SLMAP: variants seen among roughly 807,000 people sequenced by gnomAD.
The protein encoded by SLMAP is sarcolemmal membrane-associated protein.
A neutral mutation model predicts 128.8 loss-of-function variants in SLMAP; 44 were observed. The ratio of observed to expected loss-of-function variants is 0.34; its 90% CI spans 0.27 to 0.44. SLMAP has a LOEUF of 0.44. Ranked by LOEUF, SLMAP falls within the 20% of genes least tolerant of loss-of-function variation. The pLI, the probability that SLMAP is intolerant of heterozygous loss-of-function variation, is 1.00. For missense variants in SLMAP, 787 were observed against 985.3 expected, an observed-to-expected ratio of 0.80 and a Z score of 2.69; for synonymous variants, 327 against 348.8, an observed-to-expected ratio of 0.94 and a Z score of 0.70.
chr3:57,791,024 T>C (rs181848761), intron 2 of SLMAP, among the ~76,000 whole-genome samples: 1 of 152,282 alleles, frequency 6.6e-6, no homozygotes, highest in African/African-American at 2.4e-5. Context: ...TGGCTTTTTA[T>C]GAGTTTTAGC....
At chr3:57,884,547 A>G (rs1353879833) in intron 14 of SLMAP, among the ~76,000 whole-genome samples, 1 of 152,186 alleles carries the variant, frequency 6.6e-6, no homozygotes, top group Non-Finnish European at 1.5e-5. Flanking sequence ...AAGTGTTTAA[A>G]TAACTTAAAT....
chr3:57,852,460 C>T (rs1351238068), intron 6 of SLMAP, among the ~76,000 whole-genome samples: 3 of 152,080 alleles, frequency 2.0e-5, no homozygotes, highest in African/African-American at 7.2e-5. Context: ...GTTGTTTAAC[C>T]CTTTTGTGCC....
chr3:57,838,841 C>T (rs909113749), intron 3 of SLMAP, among the ~76,000 whole-genome samples: 4 of 152,124 alleles, frequency 2.6e-5, no homozygotes, highest in African/African-American at 7.2e-5. Context: ...GGATATCCTT[C>T]GTAGCAGGAT....
intron 4 of SLMAP, among the ~76,000 whole-genome samples, chr3:57,845,872 T>C (rs993863298): frequency 2.0e-5 from 3 of 151,968 alleles, no homozygotes; most frequent in Admixed American, 6.6e-5. Flanking sequence ...GATGGAGTCT[T>C]GCTCTATTGC....
chr3:57,819,790 T>A (rs75395890), intron 2 of SLMAP, among the ~76,000 whole-genome samples: 1 of 152,176 alleles, frequency 6.6e-6, no homozygotes, highest in African/African-American at 2.4e-5. Context: ...GGTCTCACTC[T>A]GTCATAAGCC....
intron 14 of SLMAP, among the ~76,000 whole-genome samples, chr3:57,885,775 T>C (rs1278529427): frequency 1.9e-5 from 1 of 51,564 alleles, no homozygotes; most frequent in South Asian, 7.8e-4. Flanking sequence ...TTGGTTCTTT[T>C]TTTTTTTTTT....
intron 3 of SLMAP, among the ~76,000 whole-genome samples, chr3:57,834,170 C>T (rs945341297): frequency 6.6e-6 from 1 of 151,930 alleles, no homozygotes; most frequent in Admixed American, 6.6e-5. Flanking sequence ...AGAAGAAAGA[C>T]AATTAAGAAA....
At chr3:57,896,697 A>C (rs2096251914) in intron 16 of SLMAP, 106 bp downstream of exon 16, 1 of 1,272,462 alleles carries the variant, frequency 7.9e-7, no homozygotes, top group Non-Finnish European at 1.1e-6. Flanking sequence ...GGAAAAAAAA[A>C]ACGCTTCCAT....
chr3:57,813,466 G>C (rs556116791), intron 2 of SLMAP, among the ~76,000 whole-genome samples: 1 of 152,212 alleles, frequency 6.6e-6, no homozygotes, highest in East Asian at 1.9e-4. Context: ...ATAGTCTCAT[G>C]TCCAGGACAG....
At chr3:57,856,510 A>G (rs1200774522) in intron 6 of SLMAP, among the ~76,000 whole-genome samples, 1 of 152,206 alleles carries the variant, frequency 6.6e-6, no homozygotes, top group African/African-American at 2.4e-5. Context: ...CACAGTATCA[A>G]GATCATCATT....
At chr3:57,821,764 C>A (rs2092540193) in intron 2 of SLMAP, among the ~76,000 whole-genome samples, 1 of 152,130 alleles carries the variant, frequency 6.6e-6, no homozygotes, top group South Asian at 2.1e-4. Flanking sequence ...TCAGTAGTGC[C>A]TTCTGTCTTA....
At chr3:57,758,342 A>G (rs977296697) in intron 2 of SLMAP, among the ~76,000 whole-genome samples, 3 of 152,256 alleles carry the variant, frequency 2.0e-5, no homozygotes, top group Non-Finnish European at 4.4e-5. Flanking sequence ...TATAAACCTA[A>G]GATTTTTGAA....
At chr3:57,801,324 T>C (rs2088292410) in intron 2 of SLMAP, 1 of 152,758 alleles carries the variant, frequency 6.5e-6, no homozygotes, top group Non-Finnish European at 1.5e-5. Flanking sequence ...GAGTCCGTCT[T>C]CCCTGGTGAG....
At chr3:57,907,537 T>C (rs1271973873) in intron 17 of SLMAP, among the ~76,000 whole-genome samples, 1 of 152,244 alleles carries the variant, frequency 6.6e-6, no homozygotes, top group East Asian at 1.9e-4. Flanking sequence ...ATTTCAAAAT[T>C]GATGAAGAAG....
At chr3:57,902,404 C>T (rs1429084074) in intron 17 of SLMAP, among the ~76,000 whole-genome samples, 2 of 152,128 alleles carry the variant, frequency 1.3e-5, no homozygotes, top group Admixed American at 6.5e-5. Context: ...AAAGTTTGTT[C>T]ACATAATCCT....
chr3:57,856,285 T>G (rs904627028), intron 6 of SLMAP, among the ~76,000 whole-genome samples: 3 of 152,178 alleles, frequency 2.0e-5, no homozygotes, highest in Non-Finnish European at 4.4e-5. Context: ...TGCTGTAACT[T>G]TTTTACTTTA....
intron 2 of SLMAP, among the ~76,000 whole-genome samples, chr3:57,788,406 C>T (rs954094323): frequency 6.6e-6 from 1 of 151,864 alleles, no homozygotes; most frequent in Non-Finnish European, 1.5e-5. Context: ...TAGAGTGATT[C>T]AGTAAAGAGG....
rs1268673109 is a variant in SLMAP at position 57,927,543 on chromosome 3, T to C, written c.*254T>C. ...GGTCATTGCTTTAAATTATATAAAATGTATCTGTCTATAAAGAAGATATAA... is the reference window on the plus strand; with the variant it reads ...GGTCATTGCTTTAAATTATATAAAACGTATCTGTCTATAAAGAAGATATAA... On this transcript the variant is annotated 3_prime_UTR_variant, in exon 25 of 25. Coordinates refer to ENST00000671191, the MANE Select transcript of SLMAP (RefSeq NM_001377540.1). 2.8e-5 allele frequency: 11 copies of C among 388,186 alleles called. No homozygotes were observed. The highest frequency in any genetic ancestry group is 6.2e-5 in the African/African-American group (3 of 48,574). The allele number at this position is 388,186 out of a possible 1,614,324, so 24.0% of individuals were successfully genotyped here.
chr3:57,764,641 T>G (rs1048917243), intron 2 of SLMAP, among the ~76,000 whole-genome samples: 1 of 152,244 alleles, frequency 6.6e-6, no homozygotes, highest in African/African-American at 2.4e-5. Flanking sequence ...GGCCCTATTC[T>G]AAATGCTTTA....
Sources: gnomAD v4.1 joint callset for allele counts (sites outside exome capture counted in the v4.1 genomes callset) on GRCh38, gnomAD v4.1.1 for gene constraint, MANE v1.5 for transcripts, NCBI Gene and HGNC (gene_info 2026-07-23, HGNC 2026-07-21) for gene names.